The following SRPK2 variants were observed in gnomAD, a reference collection of about 807,000 sequenced individuals.
SRPK2 encodes the protein SRSF protein kinase 2.
SRPK2 carries 21 observed loss-of-function variants against 90.8 expected under a neutral mutation model. That is an observed-to-expected ratio of 0.23 (90% CI 0.16 to 0.33). The LOEUF is 0.33. Ranked by LOEUF, SRPK2 falls within the 10% of genes least tolerant of loss-of-function variation. The pLI is 1.00. For missense variants in SRPK2, 620 were observed against 869.0 expected (o/e 0.71, Z 3.60); for synonymous variants, 288 against 311.1 (o/e 0.93, Z 0.78).
upstream of SRPK2, chr7:105,389,098 C>T (rs1268241424): frequency 1.0e-6 from 1 of 975,348 alleles, no homozygotes; most frequent in African/African-American, 1.8e-5. Context: ...CGCCCATGGC[C>T]GCGCTGGCCC....
upstream of SRPK2, among the ~76,000 whole-genome samples, chr7:105,391,025 TATGAAAA>T (rs1390465122): frequency 6.6e-6 from 1 of 152,158 alleles, no homozygotes; most frequent in Non-Finnish European, 1.5e-5. Context: ...AAGAAGTCTG[TATGAAAA>T]ATGAGCAAAG....
chr7:105,210,015 GA>G (rs1796664607), intron 2 of SRPK2, among the ~76,000 whole-genome samples: 1 of 152,100 alleles, frequency 6.6e-6, no homozygotes, highest in South Asian at 2.1e-4. Context: ...TGCTCTGTCA[GA>G]AAAGGGAGGA....
intron 3 of SRPK2, 69 bp downstream of exon 3, chr7:105,203,559 T>C: frequency 7.2e-7 from 1 of 1,388,104 alleles, no homozygotes; most frequent in African/African-American, 1.5e-5. Context: ...CCTTGTCCAT[T>C]CCCCCAACAA....
At chr7:105,293,956 C>T (rs1402071932) in intron 2 of SRPK2, among the ~76,000 whole-genome samples, 2 of 152,200 alleles carry the variant, frequency 1.3e-5, no homozygotes, top group Non-Finnish European at 2.9e-5. Flanking sequence ...CCAGGCTACA[C>T]CATCCACAAG....
chr7:105,377,763 T>C (rs1166502606), intron 2 of SRPK2, among the ~76,000 whole-genome samples: 1 of 152,102 alleles, frequency 6.6e-6, no homozygotes, highest in Admixed American at 6.6e-5. Flanking sequence ...CCGAAACACA[T>C]TCTGCATTCC....
At chr7:105,192,256 T>G (rs949026125) in intron 3 of SRPK2, among the ~76,000 whole-genome samples, 1 of 152,274 alleles carries the variant, frequency 6.6e-6, no homozygotes, top group African/African-American at 2.4e-5. Context: ...GTCATTCTTA[T>G]GCCTTTGCAT....
Position 105,333,980 on chromosome 7 carries a change from T to C in SRPK2, c.71+54668A>G, listed in dbSNP as rs192861305. On this transcript the variant is annotated intron_variant, in intron 2 of 15. Coordinates refer to ENST00000393651, the MANE Select transcript of SRPK2 (RefSeq NM_182692.3). ...TCTTGTTGCCCAGGCTGGAGTGCAG[T>C]GGCGCGATCTCAGCTCACTGCAACC... 1.4e-3 allele frequency among the ~76,000 whole-genome samples: 209 copies of C among 152,330 alleles called. 2 individuals carry two copies. The highest frequency in any genetic ancestry group is 3.8e-3 in the African/African-American group (156 of 41,584).
downstream of SRPK2, among the ~76,000 whole-genome samples, chr7:105,115,723 C>A (rs1298846684): frequency 6.6e-6 from 1 of 152,088 alleles, no homozygotes; most frequent in Non-Finnish European, 1.5e-5. Context: ...TCATAAGGGA[C>A]ACACCTGTAA....
chr7:105,347,856 CAAA>C (rs748447917), intron 2 of SRPK2, among the ~76,000 whole-genome samples: 4 of 87,860 alleles, frequency 4.6e-5, no homozygotes. Flanking sequence ...GACTCCGTCT[CAAA>C]AAAAAAAAAA....
chr7:105,228,830 C>T (rs1398904742), intron 2 of SRPK2, among the ~76,000 whole-genome samples: 1 of 152,230 alleles, frequency 6.6e-6, no homozygotes, highest in Non-Finnish European at 1.5e-5. Context: ...CTGGAGCAGC[C>T]AGCCGGATCC....
intron 2 of SRPK2, among the ~76,000 whole-genome samples, chr7:105,336,683 AACT>A (rs1815130646): frequency 6.6e-6 from 1 of 152,194 alleles, no homozygotes; most frequent in Non-Finnish European, 1.5e-5. Flanking sequence ...CTACTTTTAA[AACT>A]ACTTCCAGAT....
chr7:105,302,674 A>G lies in SRPK2; in HGVS notation c.71+85974T>C, dbSNP rs190702351. On this transcript the variant is annotated intron_variant, in intron 2 of 15. Coordinates refer to ENST00000393651, the MANE Select transcript of SRPK2 (RefSeq NM_182692.3). ...CCCTTTAATAAATTAATATCTATTTATATTTTTCTCTTGATTTGGGTCAAG... is the reference window on the plus strand; with the variant it reads ...CCCTTTAATAAATTAATATCTATTTGTATTTTTCTCTTGATTTGGGTCAAG... Among the ~76,000 whole-genome samples the G allele has an allele frequency of 2.3e-3, 352 of 152,082 alleles. 1 individual carries two copies. Among genetic ancestry groups the G allele is most frequent in the African/African-American group, 8.2e-3 (339 of 41,510 alleles).
At chr7:105,165,437 C>CT (rs2129584807) in intron 6 of SRPK2, among the ~76,000 whole-genome samples, 1 of 152,318 alleles carries the variant, frequency 6.6e-6, no homozygotes, top group African/African-American at 2.4e-5. Context: ...ACTTTTCTGT[C>CT]TAGCTAGAGG....
chr7:105,181,758 T>A (rs761043077), intron 3 of SRPK2, among the ~76,000 whole-genome samples: 1 of 151,784 alleles, frequency 6.6e-6, no homozygotes, highest in Non-Finnish European at 1.5e-5. Flanking sequence ...AGAAAAAACA[T>A]CTATAGGGCA....
chr7:105,244,717 C>A, intron 2 of SRPK2: 3 of 1,158,702 alleles, frequency 2.6e-6, no homozygotes, highest in Non-Finnish European at 3.8e-6. Context: ...AGAACGTGAG[C>A]GAGCCCAGGC....
chr7:105,184,411 A>G (rs1793309646), intron 3 of SRPK2, among the ~76,000 whole-genome samples: 1 of 152,142 alleles, frequency 6.6e-6, no homozygotes, highest in East Asian at 1.9e-4. Flanking sequence ...TTACCCTTAA[A>G]TTTCTATGGA....
intron 2 of SRPK2, among the ~76,000 whole-genome samples, chr7:105,329,005 AC>A (rs1209529190): frequency 6.6e-6 from 1 of 152,096 alleles, no homozygotes; most frequent in African/African-American, 2.4e-5. Context: ...ACATAGCGAA[AC>A]CCCATCCCTT....
intron 2 of SRPK2, chr7:105,244,548 T>C: frequency 1.8e-6 from 1 of 555,510 alleles, no homozygotes; most frequent in Non-Finnish European, 3.2e-6. Flanking sequence ...CACTCCCGCC[T>C]GGGCGACAGA....
intron 3 of SRPK2, among the ~76,000 whole-genome samples, chr7:105,181,239 G>T (rs1453368765): frequency 6.6e-6 from 1 of 152,166 alleles, no homozygotes; most frequent in Non-Finnish European, 1.5e-5. Flanking sequence ...AGGTTGTGGA[G>T]AAAAGGGAAT....
Sources: allele counts gnomAD v4.1 joint callset (sites outside exome capture counted in the v4.1 genomes callset), GRCh38; gene constraint gnomAD v4.1.1; transcripts MANE v1.5; gene names NCBI Gene and HGNC (gene_info 2026-07-23, HGNC 2026-07-21).